The following EEF2K variants were observed in gnomAD, a reference collection of about 807,000 sequenced individuals.
EEF2K encodes the protein alternative protein EEF2K.
EEF2K carries 70 observed loss-of-function variants against 93.8 expected under a neutral mutation model. That is an observed-to-expected ratio of 0.75 (90% CI 0.62 to 0.91). EEF2K has a LOEUF of 0.91. EEF2K is among the 40% of genes least tolerant of loss of function. The pLI is 0.00. For synonymous variants in EEF2K, 376 were observed against 380.8 expected, an observed-to-expected ratio of 0.99 and a Z score of 0.15; for missense variants, 935 against 972.9, an observed-to-expected ratio of 0.96 and a Z score of 0.52.
At chr16:22,260,847 G>T (rs1431426750) in intron 11 of EEF2K, among the ~76,000 whole-genome samples, 1 of 152,176 alleles carries the variant, frequency 6.6e-6, no homozygotes, top group Non-Finnish European at 1.5e-5. Flanking sequence ...CACATGTGTT[G>T]GTTGTCCTAT....
chr16:22,240,678 A>G (rs2047213014), intron 2 of EEF2K, among the ~76,000 whole-genome samples: 1 of 152,228 alleles, frequency 6.6e-6, no homozygotes, highest in African/African-American at 2.4e-5. Flanking sequence ...TGCACATATG[A>G]CATGGAAAGA....
rs1286841235 is a variant in EEF2K, at chr16:22,285,891, A to C, written c.*1895A>C. Reference sequence around the variant, plus strand: ...ATTTTTGAAATAGAGATGGGGTCTCACTGTGTTGCCCAGGCTGGTCTCGAA... The same window carrying C: ...ATTTTTGAAATAGAGATGGGGTCTCCCTGTGTTGCCCAGGCTGGTCTCGAA... On this transcript the variant is annotated 3_prime_UTR_variant, in exon 18 of 18. Coordinates refer to ENST00000263026, the MANE Select transcript of EEF2K (RefSeq NM_013302.5). The C allele has an allele frequency of 6.6e-6, 1 of 152,110 alleles. No homozygotes were observed. The highest frequency in any genetic ancestry group is 1.5e-5 in the Non-Finnish European group (1 of 68,030). The allele number at this position is 152,110 out of a possible 1,614,324, so 9.4% of individuals were successfully genotyped here.
chr16:22,212,328 CT>C (rs769233604), intron 1 of EEF2K, among the ~76,000 whole-genome samples: 251 of 144,498 alleles, frequency 1.7e-3, no homozygotes, highest in Non-Finnish European at 1.6e-3. Context: ...CTGTCTCTTT[CT>C]TTTTTTTTTT....
chr16:22,231,844 G>A (rs1414233684), intron 2 of EEF2K, among the ~76,000 whole-genome samples: 1 of 151,614 alleles, frequency 6.6e-6, no homozygotes, highest in African/African-American at 2.4e-5. Flanking sequence ...ACAAAAATTA[G>A]CCAGGCATGG....
intron 12 of EEF2K, 48 bp from the exon 13 acceptor site, chr16:22,264,770 G>T: frequency 6.2e-7 from 1 of 1,603,062 alleles, no homozygotes; most frequent in South Asian, 1.1e-5. Context: ...GAGGTTCCTG[G>T]GAAGAAGCTT....
chr16:22,209,325 CG>C (rs2046893324), intron 1 of EEF2K, among the ~76,000 whole-genome samples: 1 of 152,102 alleles, frequency 6.6e-6, no homozygotes, highest in East Asian at 1.9e-4. Context: ...CATGCCCACC[CG>C]GGAAGGATGT....
rs74863400 is a variant in EEF2K, at chr16:22,237,989, A to G, written c.247-6641A>G. 7.8e-3 allele frequency among the ~76,000 whole-genome samples: 1,194 copies of G among 152,180 alleles called. 17 individuals are homozygous for G. Among genetic ancestry groups the G allele is most frequent in the African/African-American group, 0.027 (1,103 of 41,518 alleles). On this transcript the variant is annotated intron_variant, in intron 2 of 17. Transcript: ENST00000263026. ...CTTGCTTTTTTCCCCCCTAAACAATAGGTCTTAGAAATTGCCCATGCTGGG... is the reference window on the plus strand; with the variant it reads ...CTTGCTTTTTTCCCCCCTAAACAATGGGTCTTAGAAATTGCCCATGCTGGG...
intron 15 of EEF2K, among the ~76,000 whole-genome samples, chr16:22,271,428 C>T (rs2047580597): frequency 6.6e-6 from 1 of 152,026 alleles, no homozygotes; most frequent in Admixed American, 6.6e-5. Flanking sequence ...GTGGCTCACA[C>T]CTGTAACCCC....
At chr16:22,255,254 AC>A (rs1397295123) in intron 6 of EEF2K, among the ~76,000 whole-genome samples, 4 of 152,118 alleles carry the variant, frequency 2.6e-5, no homozygotes, top group African/African-American at 9.7e-5. Flanking sequence ...TAGCAAACAG[AC>A]CCACAAAATA....
At chr16:22,208,328 G>C (rs2046883909) in intron 1 of EEF2K, among the ~76,000 whole-genome samples, 1 of 152,156 alleles carries the variant, frequency 6.6e-6, no homozygotes, top group South Asian at 2.1e-4. Flanking sequence ...TTTGAGACCA[G>C]CCTGGCCAAC....
At chr16:22,265,106 T>G in intron 13 of EEF2K, 1 of 496,300 alleles carries the variant, frequency 2.0e-6, no homozygotes, top group South Asian at 2.6e-5. Flanking sequence ...CTCAGCCCCA[T>G]CCTGGAGGGG....
chr16:22,211,233 C>T (rs768200402), intron 1 of EEF2K, among the ~76,000 whole-genome samples: 2 of 152,126 alleles, frequency 1.3e-5, no homozygotes, highest in Admixed American at 1.3e-4. Context: ...AGCTGAGGTT[C>T]AGAAGGTTAA....
chr16:22,264,491 C>T (rs1373515052), intron 12 of EEF2K, among the ~76,000 whole-genome samples: 1 of 151,930 alleles, frequency 6.6e-6, no homozygotes, highest in East Asian at 1.9e-4. Flanking sequence ...ATAAACTAAA[C>T]ATGCAGTAGG....
At chr16:22,268,130 T>G (rs1236843272) in intron 15 of EEF2K, among the ~76,000 whole-genome samples, 3 of 152,222 alleles carry the variant, frequency 2.0e-5, no homozygotes, top group African/African-American at 7.2e-5. Flanking sequence ...ATTTAGCTTT[T>G]TGAATTGGTA....
At chr16:22,279,625 C>G (rs2047673572) in intron 16 of EEF2K, among the ~76,000 whole-genome samples, 1 of 152,058 alleles carries the variant, frequency 6.6e-6, no homozygotes, top group South Asian at 2.1e-4. Context: ...ACTATAGTCA[C>G]TGTTTTTTTG....
intron 1 of EEF2K, among the ~76,000 whole-genome samples, chr16:22,225,379 A>G (rs1207854435): frequency 6.6e-6 from 1 of 152,222 alleles, no homozygotes; most frequent in Non-Finnish European, 1.5e-5. Context: ...TTGATGTGCT[A>G]AAAAGAGCAC....
chr16:22,276,664 C>T (rs573406544), intron 16 of EEF2K, among the ~76,000 whole-genome samples: 1 of 152,288 alleles, frequency 6.6e-6, no homozygotes, highest in African/African-American at 2.4e-5. Context: ...GCGATTAGGC[C>T]TTTCCCATAT....
At chr16:22,222,702 T>TAAAAAAAAAA (rs1161314400) in intron 1 of EEF2K, among the ~76,000 whole-genome samples, 2 of 96,550 alleles carry the variant, frequency 2.1e-5, no homozygotes, top group Non-Finnish European at 4.3e-5. Flanking sequence ...ACCCCGTCCC[T>TAAAAAAAAAA]AAAAAAAAAA....
At position 22,251,130 on chromosome 16, in the gene EEF2K, C is replaced by T. The variant is rs961177726; in HGVS notation, c.447-21C>T. 4.4e-6 allele frequency: 7 copies of T among 1,607,448 alleles called. No homozygotes were observed. The African/African-American group carries it at 8.0e-5, about 18-fold the overall frequency. On this transcript the variant is annotated intron_variant, in intron 5 of 17. Transcript: ENST00000263026. ...GAACCCCAGAGTACCCAGGTAGGCC[C>T]CCTGTTGCCTCTTCCCACAGGAAGA...
Sources: allele counts gnomAD v4.1 joint callset (sites outside exome capture counted in the v4.1 genomes callset), GRCh38; gene constraint gnomAD v4.1.1; transcripts MANE v1.5; gene names NCBI Gene and HGNC (gene_info 2026-07-23, HGNC 2026-07-21).